SLC24A2: variants seen among roughly 807,000 people sequenced by gnomAD.
SLC24A2 encodes the protein sodium/potassium/calcium exchanger 2.
SLC24A2 carries 36 observed loss-of-function variants against 62.0 expected under a neutral mutation model. The observed-to-expected ratio is 0.58, with a 90% CI of 0.44 to 0.77. The LOEUF is 0.77. Ranked by LOEUF, SLC24A2 falls within the 30% of genes least tolerant of loss-of-function variation. The pLI, the probability that SLC24A2 is intolerant of heterozygous loss-of-function variation, is 0.00. For missense variants in SLC24A2, 846 were observed against 817.9 expected (o/e 1.03, Z -0.42); for synonymous variants, 358 against 294.0 (o/e 1.22, Z -2.23).
At chr9:20,228,670 T>C in the SLC24A2 span, among the ~76,000 whole-genome samples, 1 of 152,114 alleles carries the variant, frequency 6.6e-6, no homozygotes, top group Non-Finnish European at 1.5e-5. Flanking sequence ...AGAGGTCAAG[T>C]CCTAGAAGAA....
At chr9:19,586,852 T>A (rs914194693) in intron 5 of SLC24A2, among the ~76,000 whole-genome samples, 2 of 152,188 alleles carry the variant, frequency 1.3e-5, no homozygotes, top group Admixed American at 6.5e-5. Context: ...CACAAAGAAA[T>A]TCTCAGAGGT....
chr9:20,284,084 T>C, the SLC24A2 span, among the ~76,000 whole-genome samples: 1 of 152,182 alleles, frequency 6.6e-6, no homozygotes, highest in African/African-American at 2.4e-5. Context: ...TTATCATTTC[T>C]ATAGAGGCAA....
At chr9:19,544,126 A>G (rs949962469) in intron 8 of SLC24A2, among the ~76,000 whole-genome samples, 1 of 152,110 alleles carries the variant, frequency 6.6e-6, no homozygotes, top group African/African-American at 2.4e-5. Flanking sequence ...AATGGTGTGC[A>G]TATATATTTA....
At chr9:19,715,824 CATT>C (rs1480013018) in intron 2 of SLC24A2, among the ~76,000 whole-genome samples, 1 of 152,218 alleles carries the variant, frequency 6.6e-6, no homozygotes, top group African/African-American at 2.4e-5. Flanking sequence ...AATACCCATG[CATT>C]ATTCAACTAA....
At chr9:20,089,054 C>A in the SLC24A2 span, among the ~76,000 whole-genome samples, 5 of 152,138 alleles carry the variant, frequency 3.3e-5, no homozygotes, top group Admixed American at 6.5e-5. Context: ...TCCAGCCATC[C>A]CCTGCTGGGG....
chr9:19,524,263 T>C (rs1833332776), intron 9 of SLC24A2, among the ~76,000 whole-genome samples: 1 of 151,754 alleles, frequency 6.6e-6, no homozygotes, highest in Non-Finnish European at 1.5e-5. Context: ...AATGCTATAG[T>C]GGCTAAATGA....
At chr9:19,788,647 G>A in intron 1 of SLC24A2, 6 of 985,404 alleles carry the variant, frequency 6.1e-6, no homozygotes, top group Non-Finnish European at 7.2e-6. Context: ...CCGACGGCAG[G>A]CCCTGCCCCA....
the SLC24A2 span, chr9:19,957,327 C>T: frequency 6.6e-6 from 1 of 152,084 alleles, no homozygotes; most frequent in Non-Finnish European, 1.5e-5. Flanking sequence ...GAGTAGCGAG[C>T]AAAACACTCT....
chr9:20,276,801 C>G, the SLC24A2 span, among the ~76,000 whole-genome samples: 1 of 152,226 alleles, frequency 6.6e-6, no homozygotes, highest in Non-Finnish European at 1.5e-5. Flanking sequence ...GTGGGCCCAA[C>G]ACCATGTGTA....
chr9:19,708,954 T>G (rs1820623575), intron 2 of SLC24A2, among the ~76,000 whole-genome samples: 1 of 151,962 alleles, frequency 6.6e-6, no homozygotes, highest in Non-Finnish European at 1.5e-5. Context: ...GAAACTACCA[T>G]CATAGTGAAT....
At chr9:19,757,370 A>G (rs1315167691) in intron 2 of SLC24A2, among the ~76,000 whole-genome samples, 2 of 152,166 alleles carry the variant, frequency 1.3e-5, no homozygotes, top group Non-Finnish European at 2.9e-5. Flanking sequence ...TCACTGATTC[A>G]TAAAGTTAGT....
chr9:19,538,050 T>G (rs1423414188), intron 8 of SLC24A2, among the ~76,000 whole-genome samples: 1 of 34,452 alleles, frequency 2.9e-5, no homozygotes, highest in Non-Finnish European at 5.5e-5. Context: ...TGTACATTGA[T>G]TTTGTATCCT....
rs369084879 is a variant in SLC24A2 at position 19,550,109 on chromosome 9, G to C, written c.1479+28C>G. On this transcript the variant is annotated intron_variant, in intron 8 of 10. Transcript: ENST00000341998. ...TGTTATGTACCATATGTTTTACAAGGGAACTATTTTTAAAATGCTTTACTT... is the reference window on the plus strand; with the variant it reads ...TGTTATGTACCATATGTTTTACAAGCGAACTATTTTTAAAATGCTTTACTT... The C allele has an allele frequency of 1.3e-5, 21 of 1,609,396 alleles. No homozygotes were observed. The African/African-American group carries it at 1.5e-4, about 11-fold the overall frequency.
At chr9:20,259,928 A>C in the SLC24A2 span, among the ~76,000 whole-genome samples, 1 of 152,080 alleles carries the variant, frequency 6.6e-6, no homozygotes, top group Non-Finnish European at 1.5e-5. Flanking sequence ...ATTTCTGCCA[A>C]AAATATGAAA....
At chr9:19,995,969 G>A in the SLC24A2 span, among the ~76,000 whole-genome samples, 1 of 152,228 alleles carries the variant, frequency 6.6e-6, no homozygotes, top group Non-Finnish European at 1.5e-5. Context: ...TTTGGGTAAA[G>A]TAAAGGGAAG....
the SLC24A2 span, among the ~76,000 whole-genome samples, chr9:20,290,503 G>A: frequency 1.3e-5 from 2 of 152,252 alleles, no homozygotes; most frequent in Non-Finnish European, 2.9e-5. Context: ...TTGGCCGCGG[G>A]TCTGTAGAGG....
intron 2 of SLC24A2, among the ~76,000 whole-genome samples, chr9:19,748,769 A>C (rs1352600903): frequency 6.6e-6 from 1 of 152,034 alleles, no homozygotes; most frequent in Non-Finnish European, 1.5e-5. Context: ...GCCTCACCAG[A>C]AGTGATAAAG....
chr9:20,124,549 T>G, the SLC24A2 span, among the ~76,000 whole-genome samples: 1 of 152,192 alleles, frequency 6.6e-6, no homozygotes, highest in Non-Finnish European at 1.5e-5. Flanking sequence ...CAGTTTCTGC[T>G]GACATCTTTC....
At chr9:20,263,280 T>A in the SLC24A2 span, among the ~76,000 whole-genome samples, 1 of 152,116 alleles carries the variant, frequency 6.6e-6, no homozygotes. Context: ...TGAGACAGGA[T>A]CTCACTCTGT....
Sources: allele counts gnomAD v4.1 joint callset (sites outside exome capture counted in the v4.1 genomes callset), GRCh38; gene constraint gnomAD v4.1.1; transcripts MANE v1.5; gene names NCBI Gene and HGNC (gene_info 2026-07-23, HGNC 2026-07-21).